The following COL28A1 variants were observed in gnomAD, a reference collection of about 807,000 sequenced individuals.
COL28A1 encodes collagen alpha-1(XXVIII) chain.
A neutral mutation model predicts 150.2 loss-of-function variants in COL28A1; 161 were observed. The ratio of observed to expected loss-of-function variants is 1.07; its 90% CI spans 0.94 to 1.22. COL28A1 has a LOEUF of 1.22. Ranked by LOEUF, COL28A1 falls within the 50% of genes most tolerant of loss-of-function variation. The probability of loss-of-function intolerance (pLI) is 0.00; values close to 1 mark genes in which losing one functional copy is unlikely to be tolerated. For synonymous variants in COL28A1, 552 were observed against 469.7 expected, an observed-to-expected ratio of 1.18 and a Z score of -2.26; for missense variants, 1,617 against 1,388.3, an observed-to-expected ratio of 1.16 and a Z score of -2.62.
chr7:7,389,801 G>C lies in COL28A1; in HGVS notation c.2137-8189C>G, dbSNP rs568452986. Among the ~76,000 whole-genome samples, 13 of 152,188 alleles carry C rather than the reference G, an allele frequency of 8.5e-5. 1 individual carries two copies. Among genetic ancestry groups the C allele is most frequent in the African/African-American group, 3.1e-4 (13 of 41,522 alleles). On this transcript the variant is annotated intron_variant, in intron 27 of 34. Coordinates refer to ENST00000399429, the MANE Select transcript of COL28A1 (RefSeq NM_001037763.3). The stretch of plus-strand genomic sequence containing the variant: ...ACTCATGATTTGGCTCTGTTTGTTT[G>C]TTATTGGTGTATAAGAATGCTTGTG...
chr7:7,454,143 A>G (rs1220260938), intron 16 of COL28A1, among the ~76,000 whole-genome samples: 1 of 152,200 alleles, frequency 6.6e-6, no homozygotes, highest in African/African-American at 2.4e-5. Context: ...CTCTATTTGT[A>G]AAAGATCTGA....
intron 27 of COL28A1, among the ~76,000 whole-genome samples, chr7:7,416,318 A>G (rs1784073810): frequency 6.6e-6 from 1 of 152,240 alleles, no homozygotes; most frequent in Non-Finnish European, 1.5e-5. Context: ...AAGGAGAGGC[A>G]GGAAGCCAGA....
At chr7:7,436,355 T>A in intron 23 of COL28A1, 40 bp downstream of exon 23, 1 of 943,540 alleles carries the variant, frequency 1.1e-6, no homozygotes, top group Non-Finnish European at 1.8e-6. Context: ...TTCATTTATT[T>A]CAGATACAGA....
At chr7:7,487,708 C>T (rs561191705) in intron 13 of COL28A1, among the ~76,000 whole-genome samples, 4 of 152,276 alleles carry the variant, frequency 2.6e-5, no homozygotes, top group South Asian at 4.1e-4. Flanking sequence ...AAATTAAATA[C>T]ATCCACAAGT....
intron 33 of COL28A1, among the ~76,000 whole-genome samples, chr7:7,367,448 A>G (rs542221280): frequency 3.3e-5 from 5 of 152,318 alleles, no homozygotes; most frequent in African/African-American, 9.6e-5. Flanking sequence ...AAGAGCCAGA[A>G]TGAGAAAGCC....
chr7:7,385,944 G>A (rs953218891), intron 27 of COL28A1, among the ~76,000 whole-genome samples: 2 of 152,190 alleles, frequency 1.3e-5, no homozygotes, highest in African/African-American at 4.8e-5. Flanking sequence ...TGGCAGAGGT[G>A]AATGCTATCC....
intron 10 of COL28A1, 44 bp from the exon 11 acceptor site, chr7:7,506,111 G>A: frequency 1.1e-6 from 1 of 952,040 alleles, no homozygotes; most frequent in Non-Finnish European, 1.7e-6. Context: ...TGTACAAAAG[G>A]CCAGCAGGAA....
In COL28A1 at chr7:7,506,009, A is replaced by G; in HGVS notation, c.1026+5T>C. 7.8e-7 allele frequency: 1 copy of G among 1,283,580 alleles called. No homozygotes were observed. The highest frequency in any genetic ancestry group is 1.1e-6 in the Non-Finnish European group (1 of 878,100). 79.5% of individuals were successfully genotyped at this position (1,283,580 alleles called of 1,614,324 possible). On this transcript the variant is annotated splice_donor_5th_base_variant and intron_variant, in intron 11 of 34. Coordinates refer to ENST00000399429, the MANE Select transcript of COL28A1 (RefSeq NM_001037763.3). ...TGCCTGTCTTTAATCAAAGGGTAAG[A>G]TTACCTTATTGCCTTGAAACCCCTT...
At chr7:7,372,966 GCCTTTCC>G (rs1353451193) in intron 32 of COL28A1, 25 bp downstream of exon 32, 1 of 1,574,868 alleles carries the variant, frequency 6.3e-7, no homozygotes, top group South Asian at 1.2e-5. Flanking sequence ...CAACATAAAT[GCCTTTCC>G]CCTGGGCCAG....
At chr7:7,376,861 C>T (rs1781577670) in intron 30 of COL28A1, among the ~76,000 whole-genome samples, 1 of 152,186 alleles carries the variant, frequency 6.6e-6, no homozygotes, top group Non-Finnish European at 1.5e-5. Flanking sequence ...GCGATACACA[C>T]TCTCACACTG....
At position 7,360,492 on chromosome 7, in the gene COL28A1, C is replaced by A. The variant is rs759591205; in HGVS notation, c.3103G>T (p.Ala1035Ser). The change falls in exon 34 of 35, where the codon GCT becomes TCT. Residue 1035 changes from alanine (A) to serine (S), a missense_variant. Ala to Ser is a moderately conservative substitution (Grantham distance 99, BLOSUM62 1). Coordinates refer to ENST00000399429, the MANE Select transcript of COL28A1 (RefSeq NM_001037763.3). ...TCATCAGCCCACGTTGGCTCTGGAGCCTTATCATCTTCATCCTGGTCTCTG... is the reference window on the plus strand; with the variant it reads ...TCATCAGCCCACGTTGGCTCTGGAGACTTATCATCTTCATCCTGGTCTCTG... Reference protein sequence around the residue: ...VTRDQDEDDKAPEPTWADDLP... With the variant: ...VTRDQDEDDKSPEPTWADDLP... 1.1e-5 allele frequency: 17 copies of A among 1,606,836 alleles called. No individual in the cohort carries two copies. In the South Asian group the frequency reaches 1.2e-4, roughly 12 times the overall value.
intron 33 of COL28A1, among the ~76,000 whole-genome samples, chr7:7,364,088 G>T (rs1052645021): frequency 6.6e-6 from 1 of 152,014 alleles, no homozygotes; most frequent in Admixed American, 6.6e-5. Context: ...GTCTCCATCC[G>T]CAAAACCTTC....
intron 11 of COL28A1, among the ~76,000 whole-genome samples, chr7:7,491,999 A>G (rs1279084774): frequency 1.3e-5 from 2 of 152,106 alleles, no homozygotes; most frequent in African/African-American, 4.8e-5. Context: ...TGTACCTTTA[A>G]TTTATGCTAA....
At chr7:7,424,533 C>T (rs567170828) in intron 25 of COL28A1, among the ~76,000 whole-genome samples, 10 of 152,232 alleles carry the variant, frequency 6.6e-5, no homozygotes, top group South Asian at 4.2e-4. Context: ...AACAGGTTGT[C>T]GCATAGCTGG....
intron 15 of COL28A1, among the ~76,000 whole-genome samples, chr7:7,463,248 TAAG>T (rs139773172): frequency 0.042 from 6,354 of 152,244 alleles, 201 homozygotes; most frequent in South Asian, 0.075. Context: ...TATCTGAAGT[TAAG>T]AAGAAGGAAA....
chr7:7,507,134 C>A lies in COL28A1; in HGVS notation c.955G>T (p.Gly319Ter). 1 of 1,293,836 alleles carries A rather than the reference C, an allele frequency of 7.7e-7. No homozygotes were observed. The highest frequency in any genetic ancestry group is 1.2e-5 in the South Asian group (1 of 83,922). The allele number at this position is 1,293,836 out of a possible 1,614,324, so 80.1% of individuals were successfully genotyped here. A position where few individuals can be genotyped will look rare whatever the true frequency, so the allele number is the denominator to read the frequency against. Residue 319 changes from glycine (G) to a stop codon, truncating the protein, a stop_gained, in exon 10 of 35, where the codon GGA becomes TGA. Coordinates refer to ENST00000399429, the MANE Select transcript of COL28A1 (RefSeq NM_001037763.3). LOFTEE classifies it high-confidence loss of function. ...KGSPGPYGPK[G>*]PRGIQGITGP... ...CCCCTTACCTGAATTCCTCTGGGTC[C>A]CTTTGGTCCATATGGCCCTGGGGAT... is the stretch of plus-strand genomic sequence containing the variant.
intron 27 of COL28A1, among the ~76,000 whole-genome samples, chr7:7,395,347 C>T (rs1157299815): frequency 1.3e-5 from 2 of 152,124 alleles, no homozygotes; most frequent in African/African-American, 4.8e-5. Flanking sequence ...TGGCCCAAAC[C>T]CAGGCTTAAT....
chr7:7,438,041 C>A (rs1267271043), intron 21 of COL28A1, among the ~76,000 whole-genome samples: 14 of 151,744 alleles, frequency 9.2e-5, no homozygotes, highest in Admixed American at 9.2e-4. Flanking sequence ...TTGAGGCCAG[C>A]CTGGCCAACA....
At chr7:7,491,434 C>T (rs2128370176) in intron 11 of COL28A1, among the ~76,000 whole-genome samples, 1 of 152,338 alleles carries the variant, frequency 6.6e-6, no homozygotes, top group South Asian at 2.1e-4. Context: ...AGAGGCCTGG[C>T]TCCTGGATAC....
Sources: allele counts gnomAD v4.1 joint callset (sites outside exome capture counted in the v4.1 genomes callset), GRCh38; gene constraint gnomAD v4.1.1; transcripts MANE v1.5; gene names NCBI Gene and HGNC (gene_info 2026-07-23, HGNC 2026-07-21).